COL4A4: variants seen among roughly 807,000 people sequenced by gnomAD.
COL4A4 encodes collagen type IV alpha 4 chain.
COL4A4 carries 105 observed loss-of-function variants against 192.9 expected under a neutral mutation model. The observed-to-expected ratio is 0.54, with a 90% CI of 0.46 to 0.64. The LOEUF (loss-of-function observed/expected upper bound fraction) is 0.64. COL4A4 is among the 30% of genes least tolerant of loss of function. The pLI is 0.00. For synonymous variants in COL4A4, 762 were observed against 769.9 expected, an observed-to-expected ratio of 0.99 and a Z score of 0.17; for missense variants, 1,967 against 2,169.3, an observed-to-expected ratio of 0.91 and a Z score of 1.85.
intron 37 of COL4A4, among the ~76,000 whole-genome samples, chr2:227,036,288 T>A (rs1054508986): frequency 6.6e-6 from 1 of 152,196 alleles, no homozygotes; most frequent in Non-Finnish European, 1.5e-5. Flanking sequence ...TATGACTGCA[T>A]TCCCACTCTC....
intron 27 of COL4A4, 26 bp downstream of exon 27, chr2:227,060,101 GAAAAAAAAA>G (rs71422223): frequency 1.5e-3 from 767 of 505,654 alleles, no homozygotes; most frequent in Middle Eastern, 2.9e-3. Context: ...TCCCAAAGCA[GAAAAAAAAA>G]AAAAAAAAAA....
intron 4 of COL4A4, among the ~76,000 whole-genome samples, chr2:227,134,576 T>C (rs2062691745): frequency 6.6e-6 from 1 of 152,212 alleles, no homozygotes; most frequent in South Asian, 2.1e-4. Context: ...TCTAGAACTT[T>C]GAGTGCAAGT....
chr2:227,125,574 G>A (rs2062037926), intron 4 of COL4A4, among the ~76,000 whole-genome samples: 1 of 151,746 alleles, frequency 6.6e-6, no homozygotes, highest in African/African-American at 2.4e-5. Context: ...CATTATTGAA[G>A]GATGCTAACT....
intron 31 of COL4A4, among the ~76,000 whole-genome samples, chr2:227,053,724 G>A (rs954667858): frequency 2.9e-4 from 44 of 151,216 alleles, no homozygotes; most frequent in Non-Finnish European, 5.9e-5. Flanking sequence ...ATTTTTTGTA[G>A]TTTTAGTAGA....
In COL4A4 at chr2:227,003,503, A is replaced by C. The variant is rs187752868; in HGVS notation, c.*3822T>G. 1 of 152,200 alleles carries C rather than the reference A, an allele frequency of 6.6e-6. No individual in the cohort carries two copies. The highest frequency in any genetic ancestry group is 1.5e-5 in the Non-Finnish European group (1 of 68,042). The allele number at this position is 152,200 out of a possible 1,614,324, so 9.4% of individuals were successfully genotyped here. ...CTATTCTTGCAGCCATACCAAGTAA[A>C]AGTAACAATTATCAGATTATTCCAG... On this transcript the variant is annotated 3_prime_UTR_variant, in exon 48 of 48. Coordinates refer to ENST00000396625, the MANE Select transcript of COL4A4 (RefSeq NM_000092.5).
At chr2:227,043,410 C>T (rs1292318497) in intron 35 of COL4A4, among the ~76,000 whole-genome samples, 1 of 152,184 alleles carries the variant, frequency 6.6e-6, no homozygotes, top group Non-Finnish European at 1.5e-5. Context: ...ATAATACCCA[C>T]AATTTTATAT....
At chr2:227,062,226 G>A (rs1977272116) in intron 26 of COL4A4, among the ~76,000 whole-genome samples, 1 of 119,634 alleles carries the variant, frequency 8.4e-6, no homozygotes. Flanking sequence ...GACAAAGTGA[G>A]ACTCCGTCTC....
chr2:227,092,094 AG>A (rs1255539771), intron 20 of COL4A4, among the ~76,000 whole-genome samples: 1 of 152,182 alleles, frequency 6.6e-6, no homozygotes, highest in African/African-American at 2.4e-5. Flanking sequence ...ATGAGCTTCC[AG>A]AAAGGAAAAT....
At chr2:227,072,256 C>T (rs1223982789) in intron 25 of COL4A4, among the ~76,000 whole-genome samples, 2 of 151,822 alleles carry the variant, frequency 1.3e-5, no homozygotes, top group Middle Eastern at 3.2e-3. Flanking sequence ...AAAGACCATT[C>T]AAGACTACTA....
In COL4A4 at chr2:227,088,757, G is replaced by C; in HGVS notation, c.1519C>G (p.Leu507Val). 6.2e-7 allele frequency: 1 copy of C among 1,614,124 alleles called. No homozygotes were observed. The highest frequency in any genetic ancestry group is 8.5e-7 in the Non-Finnish European group (1 of 1,179,994). Residue 507 changes from leucine to valine, a missense_variant, in exon 22 of 48, where the codon CTT becomes GTT. Coordinates refer to ENST00000396625, the MANE Select transcript of COL4A4 (RefSeq NM_000092.5). Reference protein sequence around the residue: ...GPMGPPGPPGLPGRQGSKGDL... With the variant: ...GPMGPPGPPGVPGRQGSKGDL... Reference sequence around the variant, plus strand: ...CCCTTACTCCCCTGCCTCCCAGGAAGTCCTGGAGGGCCAGGGGGGCCCATG... The same window carrying C: ...CCCTTACTCCCCTGCCTCCCAGGAACTCCTGGAGGGCCAGGGGGGCCCATG...
chr2:227,028,138 A>G (rs1292564331), intron 41 of COL4A4, 129 bp from the exon 42 acceptor site: 47 of 719,298 alleles, frequency 6.5e-5, no homozygotes, highest in Non-Finnish European at 1.0e-4. Context: ...CTGAGAGTCA[A>G]GATTAGCCTC....
chr2:227,116,431 A>G (rs915048897), intron 7 of COL4A4, among the ~76,000 whole-genome samples: 1 of 152,226 alleles, frequency 6.6e-6, no homozygotes, highest in Non-Finnish European at 1.5e-5. Flanking sequence ...TGGCCCCTGC[A>G]CACGTATTAT....
chr2:226,990,004 A>G, the COL4A4 span, among the ~76,000 whole-genome samples: 1 of 152,222 alleles, frequency 6.6e-6, no homozygotes, highest in East Asian at 1.9e-4. Flanking sequence ...CTCTAAAGTC[A>G]CATCTAAATA....
chr2:227,043,138 C>A lies in COL4A4; in HGVS notation c.3336G>T (p.Gly1112=), dbSNP rs1971793627. ...CTGGCCTTCCAGGTGATCCTCTGGG[C>A]CCTTGAATACCAGGCAAGCCCTGCT... ...SGEQGLPGIQ[G]PRGSPGRPGP... Residue 1112 remains glycine, a synonymous_variant, in exon 36 of 48, where the codon GGG becomes GGT. Coordinates refer to ENST00000396625, the MANE Select transcript of COL4A4 (RefSeq NM_000092.5). 6.2e-7 allele frequency: 1 copy of A among 1,614,084 alleles called. No individual in the cohort carries two copies. The highest frequency in any genetic ancestry group is 8.5e-7 in the Non-Finnish European group (1 of 1,180,004).
rs901606285 is a variant in COL4A4, at chr2:227,137,455, G to A, written c.192+2706C>T. Among the ~76,000 whole-genome samples, 6 of 152,324 alleles carry A rather than the reference G, an allele frequency of 3.9e-5. No individual in the cohort carries two copies. The East Asian group carries it at 5.8e-4, about 15-fold the overall frequency. The stretch of plus-strand genomic sequence containing the variant: ...CTCCTGCATCCTAGCAAGTTATTTA[G>A]AACTGTTGGGAATTTAGTTTCCTTG... On this transcript the variant is annotated intron_variant, in intron 4 of 47. Coordinates refer to ENST00000396625, the MANE Select transcript of COL4A4 (RefSeq NM_000092.5).
chr2:227,054,224 T>G (rs1027449994), intron 31 of COL4A4, among the ~76,000 whole-genome samples: 1 of 152,166 alleles, frequency 6.6e-6, no homozygotes, highest in Non-Finnish European at 1.5e-5. Flanking sequence ...AAATTGTTAT[T>G]ATCAGGCTTT....
intron 4 of COL4A4, among the ~76,000 whole-genome samples, chr2:227,124,860 G>A (rs542132612): frequency 1.3e-5 from 2 of 152,292 alleles, no homozygotes; most frequent in East Asian, 3.9e-4. Context: ...TTTTCATTAA[G>A]TTTGGGAATT....
At chr2:227,091,619 C>T (rs182559173) in intron 20 of COL4A4, among the ~76,000 whole-genome samples, 1 of 152,136 alleles carries the variant, frequency 6.6e-6, no homozygotes, top group East Asian at 1.9e-4. Context: ...TAGGGCCAGG[C>T]ACGGTGGCTC....
chr2:227,047,543 T>G lies in COL4A4; in HGVS notation c.3221A>C (p.Lys1074Thr). The G allele has an allele frequency of 6.2e-7, 1 of 1,613,110 alleles. No individual in the cohort carries two copies. ...ACCAAAGTGACTGGCAGGGTCACCT[T>G]TGTTTCCTGAAAGGGATAAAATGCA... Reference protein sequence around the residue: ...IDGARGPKGNKGDPASHFGPP... With the variant: ...IDGARGPKGNTGDPASHFGPP... The change falls in exon 35 of 48, where the codon AAA becomes ACA. Residue 1074 changes from lysine (K) to threonine (T), a missense_variant. Physicochemically the swap from Lys to Thr is moderately conservative, Grantham distance 78. Coordinates refer to ENST00000396625, the MANE Select transcript of COL4A4 (RefSeq NM_000092.5).
Sources: gnomAD v4.1 joint callset for allele counts (sites outside exome capture counted in the v4.1 genomes callset) on GRCh38, gnomAD v4.1.1 for gene constraint, MANE v1.5 for transcripts, NCBI Gene and HGNC (gene_info 2026-07-23, HGNC 2026-07-21) for gene names.